The following GRIK4 variants were observed in gnomAD, a reference collection of about 807,000 sequenced individuals.
The protein encoded by GRIK4 is glutamate receptor ionotropic, kainate 4.
A neutral mutation model predicts 104.9 loss-of-function variants in GRIK4; 40 were observed. The observed-to-expected ratio is 0.38, with a 90% CI of 0.30 to 0.50. The LOEUF (loss-of-function observed/expected upper bound fraction) is 0.50. Among genes scored for constraint, GRIK4 ranks in the 20% least tolerant of loss-of-function variants. The pLI is 0.93. For synonymous variants in GRIK4, 485 were observed against 524.9 expected, an observed-to-expected ratio of 0.92 and a Z score of 1.04; for missense variants, 1,047 against 1,308.1, an observed-to-expected ratio of 0.80 and a Z score of 3.08.
At chr11:120,838,120 A>G (rs1591976826) in intron 8 of GRIK4, among the ~76,000 whole-genome samples, 1 of 152,226 alleles carries the variant, frequency 6.6e-6, no homozygotes, top group African/African-American at 2.4e-5. Context: ...GTGTACCACT[A>G]TTTCCCATTC....
chr11:120,976,640 A>G (rs1231396259), intron 19 of GRIK4, among the ~76,000 whole-genome samples: 1 of 152,230 alleles, frequency 6.6e-6, no homozygotes, highest in Non-Finnish European at 1.5e-5. Context: ...ACAGAGCTTC[A>G]GCACCTAGCA....
At chr11:120,891,868 C>A (rs903916523) in intron 11 of GRIK4, among the ~76,000 whole-genome samples, 1 of 152,136 alleles carries the variant, frequency 6.6e-6, no homozygotes, top group African/African-American at 2.4e-5. Context: ...TAAAGTAGAT[C>A]AAGATTCAGC....
In GRIK4 at chr11:120,513,465, C is replaced by T. The variant is rs1376536039; in HGVS notation, c.-159+1578C>T. On this transcript the variant is annotated intron_variant, in intron 1 of 20. Transcript: ENST00000527524. This position sits in a 1 kb window ranked among gnomAD's most constrained non-coding sequence, Gnocchi z 4.5. Reference sequence around the variant, plus strand: ...CCGGTCCCACCAGGGATGGCAGCCCCTGGAATTCCACTGGGCGTCATCATG... The same window carrying T: ...CCGGTCCCACCAGGGATGGCAGCCCTTGGAATTCCACTGGGCGTCATCATG... 6.6e-6 allele frequency among the ~76,000 whole-genome samples: 1 copy of T among 152,148 alleles called. No individual in the cohort carries two copies. Among genetic ancestry groups the T allele is most frequent in the Non-Finnish European group, 1.5e-5 (1 of 68,016 alleles).
chr11:120,887,717 C>A (rs1225738853), intron 11 of GRIK4, among the ~76,000 whole-genome samples: 1 of 152,202 alleles, frequency 6.6e-6, no homozygotes, highest in African/African-American at 2.4e-5. Flanking sequence ...GTGAACAAGA[C>A]AGAGTCTCTT....
chr11:120,620,346 C>G (rs193266502), intron 1 of GRIK4: 1 of 602,554 alleles, frequency 1.7e-6, no homozygotes, highest in Non-Finnish European at 3.1e-6. Context: ...TGCCCCAGCT[C>G]GAGACTCACT....
At chr11:120,739,275 G>T (rs1951284437) in intron 3 of GRIK4, among the ~76,000 whole-genome samples, 1 of 152,214 alleles carries the variant, frequency 6.6e-6, no homozygotes, top group Non-Finnish European at 1.5e-5. Context: ...TCAGAAATGG[G>T]TTCCTATGCT....
intron 3 of GRIK4, among the ~76,000 whole-genome samples, chr11:120,725,669 CT>C: frequency 6.6e-6 from 1 of 152,076 alleles, no homozygotes; most frequent in African/African-American, 2.4e-5. Context: ...CCTGGGGGTC[CT>C]TTCTTGAGGA....
intron 3 of GRIK4, among the ~76,000 whole-genome samples, chr11:120,661,952 A>G (rs1055105795): frequency 3.3e-5 from 5 of 152,248 alleles, no homozygotes; most frequent in African/African-American, 9.6e-5. Context: ...TATCCTTAAG[A>G]TGTTTAATTT....
chr11:120,514,202 G>A (rs1947696076), intron 1 of GRIK4, among the ~76,000 whole-genome samples: 1 of 152,170 alleles, frequency 6.6e-6, no homozygotes, highest in Admixed American at 6.5e-5. Context: ...AGCGTGTGTG[G>A]GAAGGATGCA....
At chr11:120,752,692 T>G (rs1951577824) in intron 3 of GRIK4, among the ~76,000 whole-genome samples, 1 of 152,202 alleles carries the variant, frequency 6.6e-6, no homozygotes, top group Admixed American at 6.5e-5. Flanking sequence ...AGCACACAGC[T>G]TTTTAGACAG....
chr11:120,710,074 C>T (rs977588648), intron 3 of GRIK4, among the ~76,000 whole-genome samples: 1 of 152,170 alleles, frequency 6.6e-6, no homozygotes, highest in African/African-American at 2.4e-5. Flanking sequence ...CCCAGTTGAA[C>T]AGTAGTCAGC....
At chr11:120,660,984 C>T (rs1198204294) in intron 3 of GRIK4, among the ~76,000 whole-genome samples, 2 of 152,148 alleles carry the variant, frequency 1.3e-5, no homozygotes, top group African/African-American at 4.8e-5. Context: ...GGGCTTCCAC[C>T]TGAGCCCTCA....
chr11:120,863,619 A>G (rs936323829), intron 9 of GRIK4, among the ~76,000 whole-genome samples: 2 of 152,226 alleles, frequency 1.3e-5, no homozygotes, highest in Non-Finnish European at 2.9e-5. Flanking sequence ...TGGCAATGGA[A>G]TTGGGTACAC....
rs1407497864 is a variant in GRIK4 at position 120,986,586 on chromosome 11, C to T, written c.*326C>T. On this transcript the variant is annotated 3_prime_UTR_variant, in exon 21 of 21. Coordinates refer to ENST00000527524, the MANE Select transcript of GRIK4 (RefSeq NM_014619.5). ...TAGGGTGGGGGGTCCCTACCCAGAC[C>T]AGTCCAATGAATTGGTGGAATCATC... 5 of 258,120 alleles carry T rather than the reference C, an allele frequency of 1.9e-5. No individual in the cohort carries two copies. Among genetic ancestry groups the T allele is most frequent in the Non-Finnish European group, 2.9e-5 (4 of 138,692 alleles). 16.0% of individuals were successfully genotyped at this position (258,120 alleles called of 1,614,324 possible). A position where few individuals can be genotyped will look rare whatever the true frequency, so the allele number is the denominator to read the frequency against.
chr11:120,663,968 G>T (rs941866066), intron 3 of GRIK4, among the ~76,000 whole-genome samples: 1 of 152,154 alleles, frequency 6.6e-6, no homozygotes, highest in African/African-American at 2.4e-5. Context: ...CACTTGCCGT[G>T]TTATATTCTA....
Position 120,702,246 on chromosome 11 carries a change from G to A in GRIK4, c.82+41846G>A, listed in dbSNP as rs1463449893. ...TGGGATTACAGGCGTGAGCCACTGC[G>A]CCTGGCGACTCCAAGGTTTTTACCT... On this transcript the variant is annotated intron_variant, in intron 3 of 20. Transcript: ENST00000527524. 2.7e-5 allele frequency among the ~76,000 whole-genome samples: 4 copies of A among 150,686 alleles called. No individual in the cohort carries two copies. The East Asian group carries it at 5.9e-4, about 22-fold the overall frequency.
In GRIK4 at chr11:120,898,789, T is replaced by C. The variant is rs555960193; in HGVS notation, c.1272+150T>C. 40 of 623,680 alleles carry C rather than the reference T, an allele frequency of 6.4e-5. 1 individual carries two copies. In the South Asian group the frequency reaches 7.5e-4, roughly 12 times the overall value. The allele number at this position is 623,680 out of a possible 1,614,324, so 38.6% of individuals were successfully genotyped here. A position where few individuals can be genotyped will look rare whatever the true frequency, so the allele number is the denominator to read the frequency against. ...GACAGCGTAATTACACTCAAGTTGC[T>C]GTTTCATATGGAAATGATATTTGAT... is the stretch of plus-strand genomic sequence containing the variant. On this transcript the variant is annotated intron_variant, in intron 12 of 20. Coordinates refer to ENST00000527524, the MANE Select transcript of GRIK4 (RefSeq NM_014619.5).
Position 120,660,400 on chromosome 11 carries a change from G to T in GRIK4, c.82G>T (p.Ala28Ser). 6.2e-7 allele frequency: 1 copy of T among 1,610,554 alleles called. No individual in the cohort carries two copies. Among genetic ancestry groups the T allele is most frequent in the Admixed American group, 1.7e-5 (1 of 60,018 alleles). The change falls in exon 3 of 21, where the codon GCT becomes TCT. Residue 28 changes from alanine (A) to serine (S), a missense_variant and splice_region_variant. Transcript: ENST00000527524. The part of the protein sequence containing the change: ...VACSPHSLRI[A>S]AILDDPMECS... The stretch of plus-strand genomic sequence containing the variant: ...CTGCAGCCCGCACTCCTTGAGGATC[G>T]GTAAGTGTGGCCCAGCTTGGGGCAG...
intron 12 of GRIK4, among the ~76,000 whole-genome samples, chr11:120,901,262 T>G (rs931427812): frequency 2.0e-5 from 3 of 152,028 alleles, no homozygotes; most frequent in African/African-American, 7.2e-5. Flanking sequence ...CCACCTCGCC[T>G]TCTCCTCCCC....
Sources: gnomAD v4.1 joint callset for allele counts (sites outside exome capture counted in the v4.1 genomes callset) on GRCh38, gnomAD v4.1.1 for gene constraint, Gnocchi (gnomAD v3.1) non-coding constraint, MANE v1.5 for transcripts, NCBI Gene and HGNC (gene_info 2026-07-23, HGNC 2026-07-21) for gene names.